PLCB1: variants seen among roughly 807,000 people sequenced by gnomAD.
The protein encoded by PLCB1 is 1-phosphatidylinositol 4,5-bisphosphate phosphodiesterase beta-1.
A neutral mutation model predicts 161.8 loss-of-function variants in PLCB1; 46 were observed. That is an observed-to-expected ratio of 0.28 (90% CI 0.22 to 0.36). The LOEUF (loss-of-function observed/expected upper bound fraction) is 0.36, where lower values mean the gene tolerates loss of function less well. PLCB1 is among the 10% of genes least tolerant of loss of function. The probability of loss-of-function intolerance (pLI) is 1.00; values close to 1 mark genes in which losing one functional copy is unlikely to be tolerated. For synonymous variants in PLCB1, 517 were observed against 503.7 expected (o/e 1.03, Z -0.35); for missense variants, 1,016 against 1,472.5 (o/e 0.69, Z 5.07).
chr20:8,684,873 G>GA, intron 9 of PLCB1, 59 bp from the exon 10 acceptor site: 1 of 1,336,210 alleles, frequency 7.5e-7, no homozygotes, highest in Non-Finnish European at 1.0e-6. Context: ...AAAAAAAAGA[G>GA]GCGACTTGAC....
At chr20:8,785,423 C>T (rs1431775399) in intron 27 of PLCB1, among the ~76,000 whole-genome samples, 3 of 152,214 alleles carry the variant, frequency 2.0e-5, no homozygotes, top group Admixed American at 6.5e-5. Flanking sequence ...AAAGCCAGGT[C>T]ATCAGCTCAG....
intron 23 of PLCB1, among the ~76,000 whole-genome samples, chr20:8,753,576 C>T (rs1981591321): frequency 6.6e-6 from 1 of 152,066 alleles, no homozygotes; most frequent in African/African-American, 2.4e-5. Flanking sequence ...CACCGAGTTC[C>T]CAGCACAGTC....
chr20:8,530,584 G>C (rs1214838280), intron 3 of PLCB1, among the ~76,000 whole-genome samples: 1 of 152,050 alleles, frequency 6.6e-6, no homozygotes, highest in Non-Finnish European at 1.5e-5. Flanking sequence ...TTCAAAATTT[G>C]ATAAGATTAG....
chr20:8,771,136 G>A (rs763352061), intron 26 of PLCB1, among the ~76,000 whole-genome samples: 7 of 152,070 alleles, frequency 4.6e-5, no homozygotes, highest in South Asian at 2.1e-4. Context: ...AATATTGCTC[G>A]TGAGATGTGT....
chr20:8,591,226 A>C (rs527931170), intron 3 of PLCB1, among the ~76,000 whole-genome samples: 30 of 152,220 alleles, frequency 2.0e-4, no homozygotes, highest in African/African-American at 6.7e-4. Context: ...TTTCATCTTC[A>C]ACCTTAATAC....
intron 1 of PLCB1, among the ~76,000 whole-genome samples, chr20:8,146,199 T>C (rs1195084092): frequency 2.6e-5 from 4 of 151,834 alleles, no homozygotes; most frequent in Admixed American, 6.6e-5. Context: ...TGGGGGATGA[T>C]TAGAAAAATA....
At chr20:8,880,287 C>T (rs1359111995) in intron 31 of PLCB1, among the ~76,000 whole-genome samples, 2 of 152,128 alleles carry the variant, frequency 1.3e-5, no homozygotes, top group Non-Finnish European at 2.9e-5. Flanking sequence ...CAGCACAGCT[C>T]CCTACCAGAC....
At chr20:8,644,329 C>A (rs192999876) in intron 4 of PLCB1, among the ~76,000 whole-genome samples, 18,924 of 148,568 alleles carry the variant, frequency 0.13, 1,385 homozygotes, top group Non-Finnish European at 0.17. Flanking sequence ...TGCCCGGCCG[C>A]CATCCCATCT....
chr20:8,286,816 T>C (rs1460955898), intron 2 of PLCB1, among the ~76,000 whole-genome samples: 2 of 152,196 alleles, frequency 1.3e-5, no homozygotes, highest in African/African-American at 2.4e-5. Flanking sequence ...GTCTCTTGTC[T>C]GCTTTATTTT....
Position 8,599,928 on chromosome 20 carries a change from C to G in PLCB1, c.247-28366C>G, listed in dbSNP as rs1186569470. ...GCTTCTGCATTCTTCATGTAGTTCT[C>G]GAGCCTTGGTTTTCAGCTCCATCAG... On this transcript the variant is annotated intron_variant, in intron 3 of 31. Transcript: ENST00000338037. Among the ~76,000 whole-genome samples, 4 of 142,276 alleles carry G rather than the reference C, an allele frequency of 2.8e-5. No individual in the cohort carries two copies. The South Asian group carries it at 9.3e-4, about 33-fold the overall frequency. 93.3% of individuals were successfully genotyped at this position (142,276 alleles called of 152,430 possible).
chr20:8,406,647 G>C (rs189568892), intron 3 of PLCB1, among the ~76,000 whole-genome samples: 5 of 152,104 alleles, frequency 3.3e-5, no homozygotes, highest in African/African-American at 1.2e-4. Flanking sequence ...AGAGCCTGTC[G>C]AGCAGAGAGC....
At chr20:8,823,990 A>G (rs1335833793) in intron 31 of PLCB1, among the ~76,000 whole-genome samples, 1 of 151,860 alleles carries the variant, frequency 6.6e-6, no homozygotes, top group Non-Finnish European at 1.5e-5. Context: ...TGGCAATGAC[A>G]CCCACTATAC....
intron 10 of PLCB1, among the ~76,000 whole-genome samples, chr20:8,695,352 T>G (rs1156628517): frequency 6.6e-6 from 1 of 152,226 alleles, no homozygotes; most frequent in Admixed American, 6.5e-5. Context: ...CTTGTCCATG[T>G]CAAAGTCATT....
chr20:8,559,825 G>T (rs1986085688), intron 3 of PLCB1, among the ~76,000 whole-genome samples: 1 of 151,978 alleles, frequency 6.6e-6, no homozygotes, highest in Non-Finnish European at 1.5e-5. Context: ...AATGAGCCTA[G>T]GTCGGTCTTG....
At chr20:8,346,793 ATAG>A (rs1316430105) in intron 2 of PLCB1, among the ~76,000 whole-genome samples, 1 of 152,202 alleles carries the variant, frequency 6.6e-6, no homozygotes, top group African/African-American at 2.4e-5. Context: ...AGAGCAGCAA[ATAG>A]TAGGAGTTAT....
intron 2 of PLCB1, among the ~76,000 whole-genome samples, chr20:8,360,432 G>A (rs1387525420): frequency 6.6e-6 from 1 of 152,180 alleles, no homozygotes; most frequent in Non-Finnish European, 1.5e-5. Context: ...GCTCTACATT[G>A]ATTTTTTTTC....
Position 8,132,754 on chromosome 20 carries a change from A to C in PLCB1, c.99+4A>C. ...CAAATTCGTCAAGTGGGATGATGTA[A>C]GTATTGGGGCGGCCCGAGTCGGGGC... is the stretch of plus-strand genomic sequence containing the variant. On this transcript the variant is annotated splice_donor_region_variant and intron_variant, in intron 1 of 31. Transcript: ENST00000338037. This position sits in a 1 kb window ranked among gnomAD's most constrained non-coding sequence, Gnocchi z 5.2. 2 of 1,602,940 alleles carry C rather than the reference A, an allele frequency of 1.2e-6. No homozygotes were observed. The highest frequency in any genetic ancestry group is 8.5e-7 in the Non-Finnish European group (1 of 1,170,774).
intron 27 of PLCB1, among the ~76,000 whole-genome samples, chr20:8,783,429 T>C (rs1983334063): frequency 1.3e-5 from 2 of 152,232 alleles, no homozygotes; most frequent in Non-Finnish European, 2.9e-5. Context: ...TCAATTATTA[T>C]ATGAAAAATC....
At chr20:8,147,586 T>A (rs1400600512) in intron 1 of PLCB1, among the ~76,000 whole-genome samples, 1 of 152,180 alleles carries the variant, frequency 6.6e-6, no homozygotes, top group Non-Finnish European at 1.5e-5. Flanking sequence ...CAGGTGGAAT[T>A]GAAAATAGAC....
Sources: gnomAD v4.1 joint callset for allele counts (sites outside exome capture counted in the v4.1 genomes callset) on GRCh38, gnomAD v4.1.1 for gene constraint, Gnocchi (gnomAD v3.1) non-coding constraint, MANE v1.5 for transcripts, NCBI Gene and HGNC (gene_info 2026-07-23, HGNC 2026-07-21) for gene names.